SPIRE1: variants seen among roughly 807,000 people sequenced by gnomAD.
SPIRE1 encodes the protein spire type actin nucleation factor 1.
SPIRE1 carries 40 observed loss-of-function variants against 94.1 expected under a neutral mutation model. The observed-to-expected ratio is 0.43, with a 90% confidence interval of 0.33 to 0.55. The LOEUF (loss-of-function observed/expected upper bound fraction) is 0.55. Among genes scored for constraint, SPIRE1 ranks in the 20% least tolerant of loss-of-function variants. The pLI is 0.06. For missense variants in SPIRE1, 838 were observed against 975.2 expected (o/e 0.86, Z 1.87); for synonymous variants, 376 against 371.7 (o/e 1.01, Z -0.13).
intron 10 of SPIRE1, among the ~76,000 whole-genome samples, chr18:12,476,541 C>CAAAAAAAAA (rs558968043): frequency 2.1e-5 from 1 of 46,840 alleles, no homozygotes; most frequent in African/African-American, 4.7e-5. Context: ...ACTCTGTCTC[C>CAAAAAAAAA]AAAAAAAAAA....
intron 3 of SPIRE1, among the ~76,000 whole-genome samples, chr18:12,538,330 TG>T (rs1399520415): frequency 6.6e-6 from 1 of 152,216 alleles, no homozygotes; most frequent in Non-Finnish European, 1.5e-5. Context: ...TTAGGTTATA[TG>T]ACCTTGGACA....
chr18:12,453,010 T>C (rs77457080), intron 14 of SPIRE1, 58 bp downstream of exon 14: 14,861 of 1,089,520 alleles, frequency 0.014, 276 homozygotes, highest in South Asian at 0.059. Flanking sequence ...AGGAAGATAA[T>C]TGGTATTTCT....
intron 4 of SPIRE1, among the ~76,000 whole-genome samples, chr18:12,526,064 C>CACACACACACAT (rs2034514596): frequency 8.6e-6 from 1 of 115,744 alleles, no homozygotes; most frequent in African/African-American, 2.8e-5. Context: ...GATACACACA[C>CACACACACACAT]ACACACACAC....
intron 2 of SPIRE1, among the ~76,000 whole-genome samples, chr18:12,583,802 A>G (rs11664917): frequency 0.56 from 84,241 of 151,238 alleles, 24,589 homozygotes; most frequent in Middle Eastern, 0.75. Flanking sequence ...GCACACACCT[A>G]TAGTCCCTGC....
Position 12,635,004 on chromosome 18 carries a change from T to A in SPIRE1, c.372+58A>T, listed in dbSNP as rs1013808951. The A allele has an allele frequency of 1.2e-5, 11 of 921,656 alleles. No individual in the cohort carries two copies. In the East Asian group the frequency reaches 2.9e-4, roughly 24 times the overall value. 57.1% of individuals were successfully genotyped at this position (921,656 alleles called of 1,614,324 possible). A position where few individuals can be genotyped will look rare whatever the true frequency, so the allele number is the denominator to read the frequency against. On this transcript the variant is annotated intron_variant, in intron 2 of 16. Transcript: ENST00000409402. The stretch of plus-strand genomic sequence containing the variant: ...TAGTGAGATAGTTCAGTACTCAAGT[T>A]AGTCTAAACAGGACTGCAAAGCTGC...
chr18:12,548,604 C>CTT (rs59811774), intron 2 of SPIRE1, among the ~76,000 whole-genome samples: 16 of 144,286 alleles, frequency 1.1e-4, no homozygotes, highest in Admixed American at 3.5e-4. Flanking sequence ...TCTTTTCTTT[C>CTT]TTTTTTTTTT....
chr18:12,589,213 TAAGTA>T (rs1489713798), intron 2 of SPIRE1, among the ~76,000 whole-genome samples: 32 of 152,160 alleles, frequency 2.1e-4, no homozygotes, highest in Admixed American at 1.3e-4. Context: ...AAACTAAGAT[TAAGTA>T]AAGTAACTAG....
At chr18:12,583,433 C>A (rs1009050076) in intron 2 of SPIRE1, among the ~76,000 whole-genome samples, 1 of 152,168 alleles carries the variant, frequency 6.6e-6, no homozygotes, top group Non-Finnish European at 1.5e-5. Context: ...GAAACCTCAT[C>A]TCTACTAAAA....
At chr18:12,458,959 G>C (rs1479481536) in intron 12 of SPIRE1, among the ~76,000 whole-genome samples, 3 of 152,194 alleles carry the variant, frequency 2.0e-5, no homozygotes, top group Non-Finnish European at 4.4e-5. Flanking sequence ...GGGGTCATCT[G>C]TCAAGGACAA....
rs1568183594 is a variant in SPIRE1, at chr18:12,461,422, G to GTGTGTGTGTATGTATATACATACA, written c.1638+1928_1638+1929insTGTATGTATATACATACACACACA. Among the ~76,000 whole-genome samples, 60 of 127,782 alleles carry GTGTGTGTGTATGTATATACATACA rather than the reference G, an allele frequency of 4.7e-4. No individual in the cohort carries two copies. The South Asian group carries it at 0.01, about 21-fold the overall frequency. The allele number at this position is 127,782 out of a possible 152,430, so 83.8% of individuals were successfully genotyped here. A position where few individuals can be genotyped will look rare whatever the true frequency, so the allele number is the denominator to read the frequency against. ...CTTACCTATACACATGTATGTGTGT[G>GTGTGTGTGTATGTATATACATACA]TGTGTGTATGTATGTATATACATAC... On this transcript the variant is annotated intron_variant, in intron 12 of 16. Coordinates refer to ENST00000409402, the MANE Select transcript of SPIRE1 (RefSeq NM_001128626.2).
upstream of SPIRE1, among the ~76,000 whole-genome samples, chr18:12,659,949 T>C (rs377030059): frequency 3.3e-5 from 5 of 152,204 alleles, no homozygotes; most frequent in East Asian, 9.6e-4. Context: ...AAGTTTATCC[T>C]GTGTGGATTT....
chr18:12,455,992 T>G (rs2031489494), intron 12 of SPIRE1, among the ~76,000 whole-genome samples: 1 of 152,162 alleles, frequency 6.6e-6, no homozygotes, highest in African/African-American at 2.4e-5. Context: ...TTACTAAAAA[T>G]CAATGCAAAA....
intron 10 of SPIRE1, among the ~76,000 whole-genome samples, 187 bp from the exon 11 acceptor site, chr18:12,465,145 T>A (rs2032038800): frequency 2.0e-5 from 3 of 152,148 alleles, no homozygotes; most frequent in Admixed American, 2.0e-4. Flanking sequence ...GCCTTGGCTC[T>A]GCCCTGATGA....
chr18:12,581,360 C>T (rs1183325043), intron 2 of SPIRE1, among the ~76,000 whole-genome samples: 1 of 151,966 alleles, frequency 6.6e-6, no homozygotes, highest in Non-Finnish European at 1.5e-5. Context: ...GATTAGTAAC[C>T]ATTAATTAAG....
chr18:12,552,188 C>G (rs2035370530), intron 2 of SPIRE1, among the ~76,000 whole-genome samples: 1 of 152,184 alleles, frequency 6.6e-6, no homozygotes, highest in African/African-American at 2.4e-5. Flanking sequence ...CTCTGAGGCT[C>G]TAAATGAACT....
Position 12,449,444 on chromosome 18 carries a change from G to A in SPIRE1, c.*194C>T. 4.8e-6 allele frequency: 3 copies of A among 620,768 alleles called. No individual in the cohort carries two copies. The East Asian group carries it at 8.4e-5, about 17-fold the overall frequency. The allele number at this position is 620,768 out of a possible 1,614,324, so 38.5% of individuals were successfully genotyped here. ...CTCTCTCAGTGCAAACGAGCAATTG[G>A]CGGACCTGTCACGTTTCATCAATCG... On this transcript the variant is annotated 3_prime_UTR_variant, in exon 17 of 17. Transcript: ENST00000409402.
At chr18:12,506,282 C>T (rs1478920598) in intron 6 of SPIRE1, among the ~76,000 whole-genome samples, 195 bp downstream of exon 6, 10 of 151,988 alleles carry the variant, frequency 6.6e-5, no homozygotes, top group Admixed American at 2.0e-4. Context: ...CTCAGCCTCC[C>T]GAGCAGCTGG....
chr18:12,547,885 T>C (rs987606105), intron 2 of SPIRE1, among the ~76,000 whole-genome samples: 10 of 152,148 alleles, frequency 6.6e-5, no homozygotes, highest in Non-Finnish European at 1.3e-4. Flanking sequence ...GAGCTGACAT[T>C]GCGCCACTGC....
chr18:12,500,371 G>A (rs2033612572), intron 6 of SPIRE1, among the ~76,000 whole-genome samples: 1 of 152,292 alleles, frequency 6.6e-6, no homozygotes, highest in Middle Eastern at 3.4e-3. Flanking sequence ...ATATGACATT[G>A]TGAATCATCA....
Sources: gnomAD v4.1 joint callset for allele counts (sites outside exome capture counted in the v4.1 genomes callset) on GRCh38, gnomAD v4.1.1 for gene constraint, MANE v1.5 for transcripts, NCBI Gene and HGNC (gene_info 2026-07-23, HGNC 2026-07-21) for gene names.